TRPS1: variants seen among roughly 807,000 people sequenced by gnomAD.
TRPS1 encodes the protein zinc finger transcription factor Trps1.
Under a neutral mutation model 101.2 loss-of-function variants are expected in TRPS1, and 6 were observed. The ratio of observed to expected loss-of-function variants is 0.06; its 90% CI spans 0.03 to 0.12. The LOEUF is 0.12. Ranked by LOEUF, TRPS1 falls within the 10% of genes least tolerant of loss-of-function variation. The probability of loss-of-function intolerance (pLI) is 1.00; values close to 1 mark genes in which losing one functional copy is unlikely to be tolerated. For missense variants in TRPS1, 1,363 were observed against 1,567.0 expected, an observed-to-expected ratio of 0.87 and a Z score of 2.20; for synonymous variants, 578 against 589.8, an observed-to-expected ratio of 0.98 and a Z score of 0.29.
chr8:115,570,628 C>A (rs1563611617), intron 5 of TRPS1, among the ~76,000 whole-genome samples: 2 of 151,790 alleles, frequency 1.3e-5, no homozygotes, highest in East Asian at 3.9e-4. Context: ...TACTGTGTCC[C>A]ATACTTGTCT....
rs1812879555 is a variant in TRPS1, at chr8:115,414,929, T to C, written c.2979A>G (p.Leu993=). The change falls in exon 7 of 7, where the codon TTA becomes TTG. Residue 993 remains leucine, a synonymous_variant. Transcript: ENST00000395715. The surrounding 1 kb of genome is among the most constrained non-coding windows in gnomAD (Gnocchi z 4.8). ...TTAGATGATCTTCTGACCTCCTCTC[T>C]AACGGGCTTCCATTGACTTGCTCCT... ...SNEEQVNGSP[L]ERRSEDHLTE... 1.2e-6 allele frequency: 2 copies of C among 1,602,300 alleles called. No individual in the cohort carries two copies. The highest frequency in any genetic ancestry group is 1.7e-6 in the Non-Finnish European group (2 of 1,174,260).
intron 5 of TRPS1, among the ~76,000 whole-genome samples, chr8:115,528,427 A>G (rs913453692): frequency 3.9e-5 from 6 of 152,212 alleles, no homozygotes; most frequent in African/African-American, 9.6e-5. Flanking sequence ...TCGCATAGAC[A>G]GAAAATGAGA....
chr8:115,636,318 C>G (rs1488638586), intron 1 of TRPS1, among the ~76,000 whole-genome samples: 1 of 152,144 alleles, frequency 6.6e-6, no homozygotes, highest in African/African-American at 2.4e-5. Context: ...TAAAATCACT[C>G]TTGTCCATCA....
intron 5 of TRPS1, among the ~76,000 whole-genome samples, chr8:115,559,211 C>T (rs142882818): frequency 6.6e-6 from 1 of 152,116 alleles, no homozygotes; most frequent in Non-Finnish European, 1.5e-5. Flanking sequence ...ATAAAAATGC[C>T]ATATTTATTA....
intron 1 of TRPS1, among the ~76,000 whole-genome samples, chr8:115,635,271 A>G (rs1295740846): frequency 1.3e-5 from 2 of 152,178 alleles, no homozygotes; most frequent in Non-Finnish European, 2.9e-5. Flanking sequence ...GCAATTATCC[A>G]AACAAGCTGA....
At chr8:115,442,258 G>A (rs909402765) in intron 5 of TRPS1, among the ~76,000 whole-genome samples, 3 of 152,126 alleles carry the variant, frequency 2.0e-5, no homozygotes, top group African/African-American at 4.8e-5. Context: ...ACTTCTCTAA[G>A]TACATGACAC....
intron 5 of TRPS1, among the ~76,000 whole-genome samples, chr8:115,500,315 A>T (rs1432899802): frequency 6.6e-6 from 1 of 152,022 alleles, no homozygotes; most frequent in Non-Finnish European, 1.5e-5. Flanking sequence ...GGTGTGAGGC[A>T]CCGTGCCCGG....
rs1168892376 is a variant in TRPS1 at position 115,491,622 on chromosome 8, AAAAGAAAGG to A, written c.2701-73179_2701-73171del. On this transcript the variant is annotated intron_variant, in intron 5 of 6. Transcript: ENST00000395715. ...GTGAGCCATGAGCGAGACCTGGTAG[AAAAGAAAGG>A]AAAGAAAGGAAAGAAAGAAAGGAAG... is the stretch of plus-strand genomic sequence containing the variant. Among the ~76,000 whole-genome samples, 18 of 152,190 alleles carry A rather than the reference AAAAGAAAGG, an allele frequency of 1.2e-4. 1 individual carries two copies. The highest frequency in any genetic ancestry group is 7.7e-4 in the East Asian group (4 of 5,178).
intron 5 of TRPS1, among the ~76,000 whole-genome samples, chr8:115,470,902 A>C (rs1355513080): frequency 6.6e-6 from 1 of 152,222 alleles, no homozygotes; most frequent in Non-Finnish European, 1.5e-5. Context: ...GTTGATATTT[A>C]GTTTCTAACT....
intron 5 of TRPS1, among the ~76,000 whole-genome samples, chr8:115,523,361 G>A (rs1206140376): frequency 6.6e-6 from 1 of 151,962 alleles, no homozygotes; most frequent in East Asian, 1.9e-4. Context: ...TAAGACTTGG[G>A]GTATGTAATG....
chr8:115,528,329 T>G (rs1816050409), intron 5 of TRPS1, among the ~76,000 whole-genome samples: 1 of 152,036 alleles, frequency 6.6e-6, no homozygotes, highest in Non-Finnish European at 1.5e-5. Flanking sequence ...ACTGAGCACT[T>G]AAGAGTCACA....
At chr8:115,444,609 T>C (rs1813686544) in intron 5 of TRPS1, among the ~76,000 whole-genome samples, 1 of 152,224 alleles carries the variant, frequency 6.6e-6, no homozygotes, top group African/African-American at 2.4e-5. Context: ...TATGAGCTTC[T>C]AGAGGGCAAA....
At chr8:115,563,345 A>T (rs1410880609) in intron 5 of TRPS1, among the ~76,000 whole-genome samples, 2 of 152,014 alleles carry the variant, frequency 1.3e-5, no homozygotes, top group African/African-American at 4.8e-5. Flanking sequence ...CTGGTCCAGC[A>T]GGATTTCTCA....
chr8:115,602,829 G>A (rs756366172), intron 4 of TRPS1, among the ~76,000 whole-genome samples: 13 of 152,292 alleles, frequency 8.5e-5, no homozygotes, highest in South Asian at 4.1e-4. Flanking sequence ...ATACCTAAAC[G>A]CAGGGTACCA....
At chr8:115,524,162 A>G (rs914086344) in intron 5 of TRPS1, among the ~76,000 whole-genome samples, 1 of 152,110 alleles carries the variant, frequency 6.6e-6, no homozygotes, top group Non-Finnish European at 1.5e-5. Flanking sequence ...TCTAGATGCT[A>G]AATATGTACA....
chr8:115,568,838 T>C (rs1817134694), intron 5 of TRPS1, among the ~76,000 whole-genome samples: 1 of 152,104 alleles, frequency 6.6e-6, no homozygotes, highest in Non-Finnish European at 1.5e-5. Context: ...CAGATCAAAA[T>C]AGCTTTTACT....
chr8:115,464,639 CCTTTTGTTTTA>C (rs930701817), intron 5 of TRPS1, among the ~76,000 whole-genome samples: 1 of 152,058 alleles, frequency 6.6e-6, no homozygotes, highest in African/African-American at 2.4e-5. Context: ...AACATGTTTT[CCTTTTGTTTTA>C]CTTTACTCAT....
intron 1 of TRPS1, among the ~76,000 whole-genome samples, chr8:115,628,583 G>A (rs1818561320): frequency 6.6e-6 from 1 of 151,732 alleles, no homozygotes; most frequent in Non-Finnish European, 1.5e-5. Context: ...TCTAGGATAT[G>A]AAAAGCTTTA....
intron 5 of TRPS1, among the ~76,000 whole-genome samples, chr8:115,477,337 T>A (rs187473133): frequency 6.6e-6 from 1 of 152,206 alleles, no homozygotes; most frequent in Non-Finnish European, 1.5e-5. Context: ...AGTACCAATG[T>A]CCTATTGTAA....
Sources: allele counts gnomAD v4.1 joint callset (sites outside exome capture counted in the v4.1 genomes callset), GRCh38; gene constraint gnomAD v4.1.1; non-coding constraint Gnocchi (gnomAD v3.1); transcripts MANE v1.5; gene names NCBI Gene and HGNC (gene_info 2026-07-23, HGNC 2026-07-21).